CENPQ: variants seen among roughly 807,000 people sequenced by gnomAD.
CENPQ encodes the protein centromere protein Q, also known as chromosome 6 open reading frame 139.
In CENPQ, 27 loss-of-function variants were observed where a neutral mutation model predicts 36.6. The ratio of observed to expected loss-of-function variants is 0.74; its 90% CI spans 0.54 to 1.02. The LOEUF is 1.02. CENPQ is among the 50% of genes least tolerant of loss of function. The pLI is 0.00. For synonymous variants in CENPQ, 101 were observed against 101.7 expected, an observed-to-expected ratio of 0.99 and a Z score of 0.04; for missense variants, 306 against 301.8, an observed-to-expected ratio of 1.01 and a Z score of -0.10.
chr6:49,480,728 GC>G (rs1414648307), intron 5 of CENPQ, among the ~76,000 whole-genome samples: 2 of 152,194 alleles, frequency 1.3e-5, no homozygotes, highest in Non-Finnish European at 2.9e-5. Flanking sequence ...TAGTAAAGTA[GC>G]CCCAGTGTCC....
intron 1 of CENPQ, among the ~76,000 whole-genome samples, chr6:49,466,670 A>G (rs769719588): frequency 3.9e-5 from 6 of 152,216 alleles, no homozygotes; most frequent in Non-Finnish European, 7.3e-5. Context: ...TGAGTAGCCC[A>G]GAAGTGATAG....
At chr6:49,473,190 TTATC>T (rs1484950976) in intron 5 of CENPQ, among the ~76,000 whole-genome samples, 2 of 152,212 alleles carry the variant, frequency 1.3e-5, no homozygotes, top group African/African-American at 2.4e-5. Context: ...TTCACAACTC[TTATC>T]TATCTGATAT....
chr6:49,489,703 A>T (rs1217164370), intron 8 of CENPQ, among the ~76,000 whole-genome samples: 2 of 152,136 alleles, frequency 1.3e-5, no homozygotes, highest in Non-Finnish European at 2.9e-5. Context: ...AATTGAAATG[A>T]CTCTTTGATT....
At chr6:49,487,659 A>G (rs1005903071) in intron 6 of CENPQ, among the ~76,000 whole-genome samples, 2 of 152,094 alleles carry the variant, frequency 1.3e-5, no homozygotes, top group Admixed American at 6.5e-5. Flanking sequence ...CAATGTTATC[A>G]TTGACTGTTG....
Position 49,483,517 on chromosome 6 carries a change from G to C in CENPQ, c.477+2437G>C, listed in dbSNP as rs188824897. ...TCCTGCTGCACAGGAACCCTCTGAGGGGGGAGGCTCAGGCATGTCGGGCTG... is the reference window on the plus strand; with the variant it reads ...TCCTGCTGCACAGGAACCCTCTGAGCGGGGAGGCTCAGGCATGTCGGGCTG... On this transcript the variant is annotated intron_variant, in intron 6 of 8. Transcript: ENST00000335783. Among the ~76,000 whole-genome samples the C allele has an allele frequency of 4.0e-3, 616 of 152,268 alleles. 3 individuals carry two copies. Among genetic ancestry groups the C allele is most frequent in the African/African-American group, 7.2e-3 (300 of 41,570 alleles).
At chr6:49,483,595 G>A (rs545114824) in intron 6 of CENPQ, among the ~76,000 whole-genome samples, 1 of 152,316 alleles carries the variant, frequency 6.6e-6, no homozygotes, top group Non-Finnish European at 1.5e-5. Flanking sequence ...GCGAGAAATC[G>A]AGCAGTGCCG....
At chr6:49,492,100 T>C (rs774565488) in intron 8 of CENPQ, 44 bp from the exon 9 acceptor site, 7 of 1,477,526 alleles carry the variant, frequency 4.7e-6, no homozygotes, top group Admixed American at 2.0e-5. Context: ...AGATTTCTCA[T>C]AATAAAATGT....
chr6:49,467,999 G>C (rs1052311230), intron 1 of CENPQ, among the ~76,000 whole-genome samples: 1 of 152,132 alleles, frequency 6.6e-6, no homozygotes, highest in Non-Finnish European at 1.5e-5. Flanking sequence ...TGAAAAGGTA[G>C]GCAGAGTTAG....
intron 8 of CENPQ, among the ~76,000 whole-genome samples, chr6:49,489,572 C>T (rs1358544870): frequency 6.6e-6 from 1 of 152,178 alleles, no homozygotes; most frequent in Non-Finnish European, 1.5e-5. Flanking sequence ...TTACTGACAT[C>T]TAGAATGATA....
chr6:49,468,533 G>A (rs1156493672), intron 1 of CENPQ, among the ~76,000 whole-genome samples: 3 of 152,016 alleles, frequency 2.0e-5, no homozygotes, highest in African/African-American at 4.8e-5. Context: ...GGCAGAGGTT[G>A]CAGCAGTGAG....
rs781643685 is a variant in CENPQ at position 49,488,434 on chromosome 6, C to A, written c.560C>A (p.Ala187Glu). The change falls in exon 7 of 9, where the codon GCA becomes GAA. Residue 187 changes from alanine (A) to glutamate (E), a missense_variant. Transcript: ENST00000335783. ...QSLKNKIQIL[A>E]SEVEEEEERV... is the part of the protein sequence containing the mutation. ...CTAAAGAACAAAATTCAGATTCTGG[C>A]AAGTGAGGTGGAAGAAGAAGAGGAG... The A allele has an allele frequency of 1.2e-6, 2 of 1,612,682 alleles. No homozygotes were observed. The highest frequency in any genetic ancestry group is 1.3e-5 in the African/African-American group (1 of 74,856).
chr6:49,464,787 T>C (rs1458361355), intron 1 of CENPQ, among the ~76,000 whole-genome samples: 1 of 152,222 alleles, frequency 6.6e-6, no homozygotes, highest in Non-Finnish European at 1.5e-5. Context: ...TTTCTCTTGC[T>C]ATTGCCACCA....
intron 1 of CENPQ, among the ~76,000 whole-genome samples, chr6:49,467,260 T>C (rs1352660112): frequency 1.3e-5 from 2 of 152,232 alleles, no homozygotes; most frequent in African/African-American, 4.8e-5. Flanking sequence ...TTTTGTAAAA[T>C]GCAATTAAAA....
intron 5 of CENPQ, among the ~76,000 whole-genome samples, chr6:49,480,497 T>G (rs1214169106): frequency 6.6e-6 from 1 of 152,202 alleles, no homozygotes; most frequent in Non-Finnish European, 1.5e-5. Context: ...CTAATGTAAA[T>G]CTTCTCTATT....
chr6:49,484,144 A>G (rs1768523441), intron 6 of CENPQ, among the ~76,000 whole-genome samples: 1 of 152,228 alleles, frequency 6.6e-6, no homozygotes, highest in South Asian at 2.1e-4. Context: ...GTTAATATAT[A>G]CTGGGGACTT....
At chr6:49,488,310 A>G in intron 6 of CENPQ, 42 bp from the exon 7 acceptor site, 1 of 1,434,734 alleles carries the variant, frequency 7.0e-7, no homozygotes, top group South Asian at 1.3e-5. Flanking sequence ...TAATATAATA[A>G]TGTGTTTAAG....
intron 6 of CENPQ, among the ~76,000 whole-genome samples, chr6:49,483,443 C>T (rs1205472842): frequency 6.6e-6 from 1 of 152,114 alleles, no homozygotes; most frequent in Non-Finnish European, 1.5e-5. Context: ...CTTGGGTGGT[C>T]GATGGGACTG....
chr6:49,469,219 C>A (rs961046357), intron 1 of CENPQ, among the ~76,000 whole-genome samples: 10 of 152,176 alleles, frequency 6.6e-5, no homozygotes, highest in Non-Finnish European at 8.8e-5. Flanking sequence ...TCTAAATCTG[C>A]ACATATATTT....
At chr6:49,480,268 G>C (rs1768397685) in intron 5 of CENPQ, among the ~76,000 whole-genome samples, 1 of 152,032 alleles carries the variant, frequency 6.6e-6, no homozygotes, top group African/African-American at 2.4e-5. Context: ...TAAAATTCAA[G>C]AATCAAATCT....
Sources: allele counts gnomAD v4.1 joint callset (sites outside exome capture counted in the v4.1 genomes callset), GRCh38; gene constraint gnomAD v4.1.1; transcripts MANE v1.5; gene names NCBI Gene and HGNC (gene_info 2026-07-23, HGNC 2026-07-21).